The following ZNF804B variants were observed in gnomAD, a reference collection of about 807,000 sequenced individuals.
The protein encoded by ZNF804B is zinc finger protein 804B.
In ZNF804B, 80 loss-of-function variants were observed where a neutral mutation model predicts 101.4. That is an observed-to-expected ratio of 0.79 (90% CI 0.66 to 0.95). The LOEUF (loss-of-function observed/expected upper bound fraction) is 0.95. Ranked by LOEUF, ZNF804B falls within the 40% of genes least tolerant of loss-of-function variation. ZNF804B has a pLI of 0.00. For missense variants in ZNF804B, 1,673 were observed against 1,561.9 expected (o/e 1.07, Z -1.20); for synonymous variants, 622 against 558.8 (o/e 1.11, Z -1.59).
chr7:89,052,868 C>G (rs1330346113), intron 1 of ZNF804B, among the ~76,000 whole-genome samples: 1 of 152,186 alleles, frequency 6.6e-6, no homozygotes, highest in Non-Finnish European at 1.5e-5. Context: ...ATGAACACTA[C>G]TTACCCTTTG....
chr7:88,766,408 T>C (rs1789984426), intron 1 of ZNF804B, among the ~76,000 whole-genome samples: 2 of 152,242 alleles, frequency 1.3e-5, no homozygotes, highest in Admixed American at 6.5e-5. Context: ...TCAGATAACA[T>C]GTATTCAACT....
At chr7:88,953,723 A>C (rs989058059) in intron 1 of ZNF804B, among the ~76,000 whole-genome samples, 3 of 151,630 alleles carry the variant, frequency 2.0e-5, no homozygotes, top group East Asian at 3.9e-4. Flanking sequence ...CTTTATACTC[A>C]CTCAAGACAA....
intron 1 of ZNF804B, among the ~76,000 whole-genome samples, chr7:89,177,410 C>A (rs929400931): frequency 6.6e-6 from 1 of 152,144 alleles, no homozygotes; most frequent in Admixed American, 6.5e-5. Flanking sequence ...AATTACCATG[C>A]GTTTGTATAG....
At chr7:89,146,423 G>T in intron 1 of ZNF804B, among the ~76,000 whole-genome samples, 1 of 151,998 alleles carries the variant, frequency 6.6e-6, no homozygotes, top group East Asian at 1.9e-4. Flanking sequence ...AAATAAATTG[G>T]AAATCAACAA....
intron 1 of ZNF804B, among the ~76,000 whole-genome samples, chr7:89,166,546 A>G (rs1487380692): frequency 1.3e-5 from 2 of 152,146 alleles, no homozygotes; most frequent in Admixed American, 1.3e-4. Context: ...ATAGTAGGCA[A>G]CCACAGCTGC....
intron 1 of ZNF804B, among the ~76,000 whole-genome samples, chr7:89,059,408 T>C (rs1400567209): frequency 6.6e-6 from 1 of 152,010 alleles, no homozygotes; most frequent in African/African-American, 2.4e-5. Context: ...GGCAAAAGGA[T>C]AGTAGGCGTG....
chr7:89,132,967 C>T (rs1321818076), intron 1 of ZNF804B, among the ~76,000 whole-genome samples: 2 of 152,000 alleles, frequency 1.3e-5, no homozygotes, highest in Non-Finnish European at 2.9e-5. Flanking sequence ...TAAAATACAG[C>T]CAAAGATTTG....
At chr7:88,997,238 T>C (rs900691471) in intron 1 of ZNF804B, among the ~76,000 whole-genome samples, 1 of 152,040 alleles carries the variant, frequency 6.6e-6, no homozygotes, top group African/African-American at 2.4e-5. Flanking sequence ...TAGAGTTTGT[T>C]GTCATTTATT....
Position 89,220,047 on chromosome 7 carries a change from A to ATATGTATGCACACATATATGTGTG in ZNF804B, c.249+1755_249+1756insGTATGCACACATATATGTGTGTAT, listed in dbSNP as rs1788971370. Among the ~76,000 whole-genome samples, 2 of 38,762 alleles carry ATATGTATGCACACATATATGTGTG rather than the reference A, an allele frequency of 5.2e-5. 1 individual carries two copies. The highest frequency in any genetic ancestry group is 1.1e-4 in the Non-Finnish European group (2 of 18,334). 25.4% of individuals were successfully genotyped at this position (38,762 alleles called of 152,430 possible). A position where few individuals can be genotyped will look rare whatever the true frequency, so the allele number is the denominator to read the frequency against. On this transcript the variant is annotated intron_variant, in intron 2 of 3. Coordinates refer to ENST00000333190, the MANE Select transcript of ZNF804B (RefSeq NM_181646.5). ...CATATATATACGCACATATATGTGCATATATACATATATACGCACATATAT... is the reference window on the plus strand; with the variant it reads ...CATATATATACGCACATATATGTGCATATGTATGCACACATATATGTGTGTATATACATATATACGCACATATAT...
chr7:88,780,624 C>T (rs1417154509), intron 1 of ZNF804B, among the ~76,000 whole-genome samples: 1 of 151,802 alleles, frequency 6.6e-6, no homozygotes, highest in Non-Finnish European at 1.5e-5. Flanking sequence ...TGGGCTCAAG[C>T]GATCCGCCCA....
intron 2 of ZNF804B, among the ~76,000 whole-genome samples, chr7:89,306,402 T>C (rs1226394367): frequency 6.6e-6 from 1 of 151,998 alleles, no homozygotes; most frequent in East Asian, 1.9e-4. Context: ...TTATTAAAAC[T>C]CAACACCTGC....
intron 1 of ZNF804B, among the ~76,000 whole-genome samples, chr7:89,029,655 C>T (rs1342924642): frequency 1.3e-5 from 2 of 152,136 alleles, no homozygotes; most frequent in Non-Finnish European, 2.9e-5. Context: ...TCATCACCAA[C>T]TTCATCAGCG....
rs1295469978 is a variant in ZNF804B at position 89,060,927 on chromosome 7, A to ACACAATATTGTCCACCACAAAATT, written c.109-157228_109-157227insCACAATATTGTCCACCACAAAATT. On this transcript the variant is annotated intron_variant, in intron 1 of 3. Coordinates refer to ENST00000333190, the MANE Select transcript of ZNF804B (RefSeq NM_181646.5). Reference sequence around the variant, plus strand: ...TGGCTTTATTGGCAACTGCATATGGAGTGGTGACACAATAAAGTTTTTGGT... The same window carrying ACACAATATTGTCCACCACAAAATT: ...TGGCTTTATTGGCAACTGCATATGGACACAATATTGTCCACCACAAAATTGTGGTGACACAATAAAGTTTTTGGT... Among the ~76,000 whole-genome samples the ACACAATATTGTCCACCACAAAATT allele has an allele frequency of 2.0e-5, 3 of 152,106 alleles. No individual in the cohort carries two copies. In the East Asian group the frequency reaches 5.8e-4, roughly 29 times the overall value.
intron 1 of ZNF804B, among the ~76,000 whole-genome samples, chr7:88,836,607 A>G (rs1434156259): frequency 1.3e-5 from 2 of 152,134 alleles, no homozygotes; most frequent in East Asian, 1.9e-4. Context: ...GAAATAATAA[A>G]TTATAAATAT....
chr7:88,875,244 A>G (rs1041155745), intron 1 of ZNF804B, among the ~76,000 whole-genome samples: 5 of 150,256 alleles, frequency 3.3e-5, no homozygotes, highest in Non-Finnish European at 5.9e-5. Flanking sequence ...ATCACAATTA[A>G]AAGAACTAGA....
intron 1 of ZNF804B, among the ~76,000 whole-genome samples, chr7:88,897,782 G>A (rs967607719): frequency 1.3e-5 from 2 of 152,018 alleles, no homozygotes; most frequent in African/African-American, 4.8e-5. Flanking sequence ...TAGTGCAGTG[G>A]TCCTGGAGTT....
At chr7:88,838,252 AT>A (rs1791244852) in intron 1 of ZNF804B, among the ~76,000 whole-genome samples, 2 of 151,104 alleles carry the variant, frequency 1.3e-5, no homozygotes, top group African/African-American at 4.9e-5. Flanking sequence ...AAATACTATT[AT>A]AGCCTCCTTA....
chr7:89,294,575 T>A (rs1480124583), intron 2 of ZNF804B, among the ~76,000 whole-genome samples: 3 of 151,970 alleles, frequency 2.0e-5, no homozygotes, highest in Non-Finnish European at 4.4e-5. Flanking sequence ...TTTAAAAAAA[T>A]GCTTCTCTAT....
rs139408976 is a variant in ZNF804B, at chr7:89,198,971, A to G, written c.109-19184A>G. Among the ~76,000 whole-genome samples, 86 of 152,050 alleles carry G rather than the reference A, an allele frequency of 5.7e-4. 1 individual carries two copies. Among genetic ancestry groups the G allele is most frequent in the Middle Eastern group, 3.4e-3 (1 of 294 alleles). On this transcript the variant is annotated intron_variant, in intron 1 of 3. Transcript: ENST00000333190. ...ATGGAGCCATAAGGAGTTTAGAAGT[A>G]AAAAAGTCAGCAATAAAGGGCACTG...
Sources: gnomAD v4.1 joint callset for allele counts (sites outside exome capture counted in the v4.1 genomes callset) on GRCh38, gnomAD v4.1.1 for gene constraint, MANE v1.5 for transcripts, NCBI Gene and HGNC (gene_info 2026-07-23, HGNC 2026-07-21) for gene names.